The following NEMP2 variants were observed in gnomAD, a reference collection of about 807,000 sequenced individuals.
NEMP2 encodes nuclear envelope integral membrane protein 2.
A neutral mutation model predicts 54.2 loss-of-function variants in NEMP2; 53 were observed. The observed-to-expected ratio is 0.98, with a 90% CI of 0.78 to 1.23. The LOEUF is 1.23. NEMP2 is among the 50% of genes most tolerant of loss of function. NEMP2 has a pLI of 0.00. For missense variants in NEMP2, 455 were observed against 511.3 expected (o/e 0.89, Z 1.06); for synonymous variants, 197 against 190.3 (o/e 1.04, Z -0.29).
the NEMP2 span, among the ~76,000 whole-genome samples, chr2:190,630,420 G>A: frequency 1.3e-5 from 2 of 152,084 alleles, no homozygotes; most frequent in East Asian, 3.9e-4. The surrounding 1 kb of genome is among the most constrained non-coding windows in gnomAD (Gnocchi z 5.5). Context: ...GTTTCACCAT[G>A]TTGGCCAGGC....
At position 190,510,754 on chromosome 2, in the gene NEMP2, G is replaced by A. The variant is rs908475409; in HGVS notation, c.954-217C>T. ...AAATTAGCTGAGCATGGTGGTGGTC[G>A]CCTGTAGTCCCAGCTACTTGGGAGG... On this transcript the variant is annotated intron_variant, in intron 7 of 8. Transcript: ENST00000409150. This position sits in a 1 kb window ranked among gnomAD's most constrained non-coding sequence, Gnocchi z 5.7. Among the ~76,000 whole-genome samples, 4 of 151,966 alleles carry A rather than the reference G, an allele frequency of 2.6e-5. No individual in the cohort carries two copies. Among genetic ancestry groups the A allele is most frequent in the East Asian group, 1.9e-4 (1 of 5,156 alleles).
the NEMP2 span, among the ~76,000 whole-genome samples, chr2:190,458,253 A>C: frequency 6.6e-6 from 1 of 152,270 alleles, no homozygotes; most frequent in South Asian, 2.1e-4. The surrounding 1 kb of genome is among the most constrained non-coding windows in gnomAD (Gnocchi z 5.3). Flanking sequence ...GACCATATTT[A>C]AAGTTAGGGT....
At chr2:190,436,228 G>C in the NEMP2 span, 1 of 1,614,002 alleles carries the variant, frequency 6.2e-7, no homozygotes, top group Non-Finnish European at 8.5e-7. The surrounding 1 kb of genome is among the most constrained non-coding windows in gnomAD (Gnocchi z 5.3). Context: ...GATAAACAAC[G>C]ATCTTCTAAT....
the NEMP2 span, among the ~76,000 whole-genome samples, chr2:190,476,881 A>C: frequency 1.3e-5 from 2 of 152,188 alleles, no homozygotes; most frequent in African/African-American, 2.4e-5. Context: ...GCCATAAAAA[A>C]TGATGAGTTC....
chr2:190,515,246 A>G (rs1458590587), intron 6 of NEMP2, among the ~76,000 whole-genome samples: 2 of 152,222 alleles, frequency 1.3e-5, no homozygotes, highest in Non-Finnish European at 2.9e-5. Flanking sequence ...TCCAGTTTAC[A>G]GAAAATACGC....
At chr2:190,497,042 C>T in the NEMP2 span, among the ~76,000 whole-genome samples, 1 of 152,106 alleles carries the variant, frequency 6.6e-6, no homozygotes, top group Admixed American at 6.5e-5. This position sits in a 1 kb window ranked among gnomAD's most constrained non-coding sequence, Gnocchi z 5.2. Flanking sequence ...ACCTGTTCCC[C>T]AAAAACCTGT....
the NEMP2 span, among the ~76,000 whole-genome samples, chr2:190,603,536 G>A: frequency 6.7e-6 from 1 of 148,432 alleles, no homozygotes; most frequent in Non-Finnish European, 1.5e-5. Context: ...CCCTGAGACA[G>A]TGGCTCCCTT....
chr2:190,445,177 G>C, the NEMP2 span, among the ~76,000 whole-genome samples: 2 of 152,012 alleles, frequency 1.3e-5, no homozygotes, highest in African/African-American at 2.4e-5. Context: ...GTAAATCTGG[G>C]GATACTTATC....
At chr2:190,434,496 C>T in the NEMP2 span, among the ~76,000 whole-genome samples, 8 of 151,992 alleles carry the variant, frequency 5.3e-5, 1 homozygote, top group South Asian at 6.2e-4. This position sits in a 1 kb window ranked among gnomAD's most constrained non-coding sequence, Gnocchi z 4.3. Flanking sequence ...AGTGCAGTGG[C>T]GCAATCTCAG....
chr2:190,492,402 A>C, the NEMP2 span, among the ~76,000 whole-genome samples: 1 of 152,210 alleles, frequency 6.6e-6, no homozygotes, highest in African/African-American at 2.4e-5. The surrounding 1 kb of genome is among the most constrained non-coding windows in gnomAD (Gnocchi z 5.2). Flanking sequence ...AGGCAAAAGC[A>C]CCAGATAACC....
the NEMP2 span, among the ~76,000 whole-genome samples, chr2:190,446,804 C>T: frequency 6.6e-6 from 1 of 152,150 alleles, no homozygotes; most frequent in Non-Finnish European, 1.5e-5. Context: ...TGCATTTATA[C>T]CCTGGCTTTA....
Position 190,509,234 on chromosome 2 carries a change from C to T in NEMP2, c.1209G>A (p.Gly403=), listed in dbSNP as rs2125301457. The change falls in exon 9 of 9, where the codon GGG becomes GGA. Residue 403 remains glycine (G), a synonymous_variant. Transcript: ENST00000409150. The surrounding 1 kb of genome is among the most constrained non-coding windows in gnomAD (Gnocchi z 6.1). ...AGAGCTGCTCTTCCAAGAAGGCACC[C>T]CCAAGGCCATACTGCTCTTCATGCA... ...ISLHEEQYGL[G]GAFLEEQLFN... is the part of the protein sequence containing the mutation. 6.4e-7 allele frequency: 1 copy of T among 1,551,644 alleles called. No individual in the cohort carries two copies. The highest frequency in any genetic ancestry group is 8.7e-7 in the Non-Finnish European group (1 of 1,146,986).
At chr2:190,618,307 C>T in the NEMP2 span, among the ~76,000 whole-genome samples, 2 of 152,100 alleles carry the variant, frequency 1.3e-5, no homozygotes, top group African/African-American at 4.8e-5. Flanking sequence ...AGTTTCTTGC[C>T]TCTCACTGTC....
At chr2:190,438,767 AG>A in the NEMP2 span, among the ~76,000 whole-genome samples, 1 of 152,260 alleles carries the variant, frequency 6.6e-6, no homozygotes, top group East Asian at 1.9e-4. The surrounding 1 kb of genome is among the most constrained non-coding windows in gnomAD (Gnocchi z 5.2). Flanking sequence ...AAGAAATTAA[AG>A]AGGAGAAATA....
At chr2:190,634,065 C>T in the NEMP2 span, among the ~76,000 whole-genome samples, 1 of 152,110 alleles carries the variant, frequency 6.6e-6, no homozygotes, top group Non-Finnish European at 1.5e-5. The surrounding 1 kb of genome is among the most constrained non-coding windows in gnomAD (Gnocchi z 6.8). Flanking sequence ...AAGCAAGATT[C>T]TGTGTCTTAA....
Position 190,510,369 on chromosome 2 carries a change from A to C in NEMP2, c.1122T>G (p.Thr374=). 6.4e-7 allele frequency: 1 copy of C among 1,551,626 alleles called. No individual in the cohort carries two copies. Residue 374 remains threonine (T), a synonymous_variant, in exon 8 of 9, where the codon ACT becomes ACG. Transcript: ENST00000409150. The surrounding 1 kb of genome is among the most constrained non-coding windows in gnomAD (Gnocchi z 5.7). ...PSWLVVSRLH[T]PSKFADFVLG... ...AGCAGAGCGGGACTTACTTGCTAGG[A>C]GTGTGGAGTCTGGAGACGACCAGCC...
the NEMP2 span, among the ~76,000 whole-genome samples, chr2:190,446,572 G>C: frequency 6.6e-6 from 1 of 152,212 alleles, no homozygotes; most frequent in South Asian, 2.1e-4. Context: ...GTGTCATGAA[G>C]TTTTTAAAAT....
chr2:190,531,068 C>T lies in NEMP2; in HGVS notation c.97+3491G>A, dbSNP rs912838173. Among the ~76,000 whole-genome samples the T allele has an allele frequency of 6.6e-6, 1 of 152,150 alleles. No individual in the cohort carries two copies. The highest frequency in any genetic ancestry group is 1.9e-4 in the East Asian group (1 of 5,202). ...ATAAATAAACATTTAAAAATTAGAA[C>T]AAAAACAACAACAATCCCCTTACAA... On this transcript the variant is annotated intron_variant, in intron 1 of 8. Transcript: ENST00000409150. The surrounding 1 kb of genome is among the most constrained non-coding windows in gnomAD (Gnocchi z 4.7).
chr2:190,588,938 C>G, the NEMP2 span, among the ~76,000 whole-genome samples: 3 of 152,154 alleles, frequency 2.0e-5, no homozygotes, highest in Non-Finnish European at 2.9e-5. The surrounding 1 kb of genome is among the most constrained non-coding windows in gnomAD (Gnocchi z 5.0). Flanking sequence ...AAAAACTGCT[C>G]TCTTTTGATC....
Sources: gnomAD v4.1 joint callset for allele counts (sites outside exome capture counted in the v4.1 genomes callset) on GRCh38, gnomAD v4.1.1 for gene constraint, Gnocchi (gnomAD v3.1) non-coding constraint, MANE v1.5 for transcripts, NCBI Gene and HGNC (gene_info 2026-07-23, HGNC 2026-07-21) for gene names.